GPHN: variants seen among roughly 807,000 people sequenced by gnomAD.
The protein encoded by GPHN is gephyrin.
In GPHN, 17 loss-of-function variants were observed where a neutral mutation model predicts 95.5. The observed-to-expected ratio is 0.18, with a 90% CI of 0.12 to 0.27. GPHN has a LOEUF of 0.27. Among genes scored for constraint, GPHN ranks in the 10% least tolerant of loss-of-function variants. The pLI, the probability that GPHN is intolerant of heterozygous loss-of-function variation, is 1.00. For synonymous variants in GPHN, 320 were observed against 322.5 expected, an observed-to-expected ratio of 0.99 and a Z score of 0.08; for missense variants, 660 against 978.1, an observed-to-expected ratio of 0.67 and a Z score of 4.34.
At chr14:67,388,130 G>T in the GPHN span, 1 of 782,140 alleles carries the variant, frequency 1.3e-6, no homozygotes, top group Non-Finnish European at 2.2e-6. Context: ...GCCCTGCTCG[G>T]CTCCCAAAGC....
At chr14:67,642,839 G>T in the GPHN span, among the ~76,000 whole-genome samples, 3 of 106,466 alleles carry the variant, frequency 2.8e-5, no homozygotes, top group African/African-American at 3.7e-5. Context: ...GTCTGGCTCT[G>T]TTGCCCAGGC....
At chr14:67,046,125 A>T (rs890566749) in intron 10 of GPHN, among the ~76,000 whole-genome samples, 18 of 151,640 alleles carry the variant, frequency 1.2e-4, no homozygotes, top group African/African-American at 4.1e-4. Flanking sequence ...TATTTAGTAT[A>T]TATTCATAAA....
intron 2 of GPHN, among the ~76,000 whole-genome samples, chr14:66,730,505 G>A (rs1219494088): frequency 6.6e-6 from 1 of 152,128 alleles, no homozygotes; most frequent in Non-Finnish European, 1.5e-5. Context: ...TTACTAAAAT[G>A]TTGGGGTAGG....
At chr14:67,508,752 T>TAAAAAAAAAAAAAAAAAA in the GPHN span, among the ~76,000 whole-genome samples, 12 of 18,862 alleles carry the variant, frequency 6.4e-4, no homozygotes, top group Non-Finnish European at 1.7e-3. Flanking sequence ...AAACCTTGTC[T>TAAAAAAAAAAAAAAAAAA]CAAAAAAAAA....
At chr14:66,586,762 A>G (rs945120149) in intron 1 of GPHN, among the ~76,000 whole-genome samples, 4 of 152,116 alleles carry the variant, frequency 2.6e-5, no homozygotes, top group African/African-American at 4.8e-5. Context: ...AAGCATTTCT[A>G]AGAGAAGTTT....
intron 10 of GPHN, among the ~76,000 whole-genome samples, chr14:67,026,934 G>A (rs1387521846): frequency 3.9e-5 from 6 of 152,080 alleles, no homozygotes; most frequent in Admixed American, 2.0e-4. Context: ...GAGCCACCGC[G>A]CCCAGCCTTA....
chr14:66,808,751 C>T (rs890806461), intron 3 of GPHN, among the ~76,000 whole-genome samples: 14 of 152,088 alleles, frequency 9.2e-5, no homozygotes, highest in Middle Eastern at 3.2e-3. Flanking sequence ...GAGCCAAGAT[C>T]GCACCACTGC....
intron 13 of GPHN, 74 bp downstream of exon 13, chr14:67,100,985 C>T: frequency 1.1e-6 from 1 of 878,958 alleles, no homozygotes; most frequent in Non-Finnish European, 1.9e-6. Context: ...CTAAATTTCT[C>T]CTATCAGTTT....
At chr14:66,782,981 C>T (rs1048039936) in intron 3 of GPHN, among the ~76,000 whole-genome samples, 4 of 152,142 alleles carry the variant, frequency 2.6e-5, no homozygotes, top group African/African-American at 9.7e-5. Flanking sequence ...TTATTATCTC[C>T]TGTATATTCT....
intron 1 of GPHN, among the ~76,000 whole-genome samples, chr14:66,626,509 TAGAA>T (rs1465428872): frequency 2.6e-5 from 4 of 152,104 alleles, no homozygotes; most frequent in Admixed American, 6.5e-5. Context: ...GGTAACATGT[TAGAA>T]AGAAGATAAC....
At chr14:67,193,761 A>T in the GPHN span, among the ~76,000 whole-genome samples, 5 of 141,492 alleles carry the variant, frequency 3.5e-5, no homozygotes, top group African/African-American at 1.3e-4. Context: ...TGGGCAACAC[A>T]GGAAGACCCA....
At chr14:67,619,511 G>A in the GPHN span, among the ~76,000 whole-genome samples, 1 of 152,242 alleles carries the variant, frequency 6.6e-6, no homozygotes, top group Non-Finnish European at 1.5e-5. Flanking sequence ...GACTAGGCAG[G>A]GCCAGACCAG....
At chr14:66,791,831 A>G (rs1046221740) in intron 3 of GPHN, among the ~76,000 whole-genome samples, 1 of 152,174 alleles carries the variant, frequency 6.6e-6, no homozygotes, top group African/African-American at 2.4e-5. Context: ...GTATTAGTCC[A>G]TTCTCATGCT....
chr14:66,986,682 C>T (rs1441484873), intron 9 of GPHN, among the ~76,000 whole-genome samples: 1 of 152,120 alleles, frequency 6.6e-6, no homozygotes, highest in Non-Finnish European at 1.5e-5. Context: ...TTTGCCCTAA[C>T]AGCAATAGTA....
the GPHN span, chr14:67,695,729 G>A: frequency 1.2e-6 from 2 of 1,611,388 alleles, no homozygotes; most frequent in Non-Finnish European, 1.7e-6. Context: ...CGGCACCAGA[G>A]CGGGATGCTC....
At chr14:67,224,969 T>C in the GPHN span, 8 of 658,862 alleles carry the variant, frequency 1.2e-5, no homozygotes, top group Non-Finnish European at 1.5e-5. Flanking sequence ...ATGAGGTGGT[T>C]AGAACATAAT....
At chr14:66,721,856 C>T (rs746745594) in intron 2 of GPHN, among the ~76,000 whole-genome samples, 3 of 147,376 alleles carry the variant, frequency 2.0e-5, no homozygotes, top group Non-Finnish European at 4.4e-5. Flanking sequence ...GAGGCTGAGG[C>T]AGGAGAATTG....
chr14:66,842,746 A>G (rs932598206), intron 4 of GPHN: 4 of 1,458,750 alleles, frequency 2.7e-6, no homozygotes, highest in African/African-American at 2.8e-5. Context: ...CCAGCCAATC[A>G]TTTTCAGATT....
the GPHN span, chr14:67,360,425 G>T: frequency 2.6e-6 from 1 of 391,410 alleles, no homozygotes. Context: ...TCGGCTCTGG[G>T]CTCCAGTGCG....
Sources: allele counts gnomAD v4.1 joint callset (sites outside exome capture counted in the v4.1 genomes callset), GRCh38; gene constraint gnomAD v4.1.1; transcripts MANE v1.5; gene names NCBI Gene and HGNC (gene_info 2026-07-23, HGNC 2026-07-21).